VPS13A: variants seen among roughly 807,000 people sequenced by gnomAD.
The protein encoded by VPS13A is vacuolar protein sorting 13 homolog A.
Under a neutral mutation model 390.9 loss-of-function variants are expected in VPS13A, and 264 were observed. The ratio of observed to expected loss-of-function variants is 0.68; its 90% CI spans 0.61 to 0.75. The LOEUF (loss-of-function observed/expected upper bound fraction) is 0.75. Ranked by LOEUF, VPS13A falls within the 30% of genes least tolerant of loss-of-function variation. The pLI, the probability that VPS13A is intolerant of heterozygous loss-of-function variation, is 0.00. For missense variants in VPS13A, 3,409 were observed against 3,733.9 expected (o/e 0.91, Z 2.27); for synonymous variants, 1,231 against 1,227.1 (o/e 1.00, Z -0.07).
intron 53 of VPS13A, among the ~76,000 whole-genome samples, chr9:77,352,379 T>G (rs904070473): frequency 1.3e-5 from 2 of 152,168 alleles, no homozygotes; most frequent in African/African-American, 4.8e-5. Flanking sequence ...TAGGTGGTAT[T>G]TTCTCATTGT....
intron 1 of VPS13A, among the ~76,000 whole-genome samples, chr9:77,188,586 A>G (rs965489312): frequency 6.6e-6 from 1 of 152,190 alleles, no homozygotes; most frequent in African/African-American, 2.4e-5. Context: ...ATACGCATGC[A>G]TGTGTCCTTA....
intron 29 of VPS13A, among the ~76,000 whole-genome samples, chr9:77,282,974 A>G (rs1467341618): frequency 6.6e-6 from 1 of 152,076 alleles, no homozygotes; most frequent in East Asian, 1.9e-4. Flanking sequence ...AAAACAAAAA[A>G]GAGTATCAGA....
chr9:77,337,700 A>G (rs1830609549), intron 47 of VPS13A, 163 bp downstream of exon 47: 6 of 688,588 alleles, frequency 8.7e-6, no homozygotes, highest in Non-Finnish European at 1.4e-5. Context: ...GAGAATTATT[A>G]TTGAAATAAC....
At chr9:77,182,657 AG>A (rs956022327) in intron 1 of VPS13A, among the ~76,000 whole-genome samples, 11 of 152,208 alleles carry the variant, frequency 7.2e-5, no homozygotes, top group African/African-American at 2.4e-4. Context: ...TTTGTAACAC[AG>A]GAAGTACCTG....
At position 77,283,541 on chromosome 9, in the gene VPS13A, C is replaced by T. The variant is rs757939313; in HGVS notation, c.3236-6C>T. 1 of 1,612,874 alleles carries T rather than the reference C, an allele frequency of 6.2e-7. No homozygotes were observed. Among genetic ancestry groups the T allele is most frequent in the Non-Finnish European group, 8.5e-7 (1 of 1,179,266 alleles). On this transcript the variant is annotated splice_region_variant and splice_polypyrimidine_tract_variant and intron_variant, in intron 30 of 71. Coordinates refer to ENST00000360280, the MANE Select transcript of VPS13A (RefSeq NM_033305.3). ...AGAAAAGGCAGTCATTCTTTTGTTC[C>T]CTTAGGGCTTGATTCTGAGATGATT...
At chr9:77,210,005 G>C (rs1825877603) in intron 6 of VPS13A, among the ~76,000 whole-genome samples, 1 of 151,880 alleles carries the variant, frequency 6.6e-6, no homozygotes, top group Non-Finnish European at 1.5e-5. Flanking sequence ...TAATATTCCT[G>C]TGTAACACGA....
intron 13 of VPS13A, among the ~76,000 whole-genome samples, chr9:77,221,664 C>T (rs1402729020): frequency 6.6e-6 from 1 of 152,126 alleles, no homozygotes; most frequent in Non-Finnish European, 1.5e-5. Flanking sequence ...ATTCCAACTT[C>T]TCTGTGTTGG....
intron 68 of VPS13A, chr9:77,383,117 G>A: frequency 2.5e-6 from 2 of 813,756 alleles, no homozygotes; most frequent in Non-Finnish European, 3.0e-6. Flanking sequence ...GATATTTAAT[G>A]TGATCAGAGT....
chr9:77,377,788 T>C (rs1035885402), intron 67 of VPS13A, among the ~76,000 whole-genome samples: 4 of 152,206 alleles, frequency 2.6e-5, no homozygotes, highest in Non-Finnish European at 5.9e-5. Flanking sequence ...TAGACATGCC[T>C]ATATTGCTTT....
intron 52 of VPS13A, among the ~76,000 whole-genome samples, chr9:77,348,684 A>T (rs1386435676): frequency 6.6e-6 from 1 of 151,602 alleles, no homozygotes; most frequent in Non-Finnish European, 1.5e-5. Flanking sequence ...TAATCTATGT[A>T]CCCCAGTTTT....
intron 71 of VPS13A, among the ~76,000 whole-genome samples, chr9:77,411,035 G>T (rs1336207691): frequency 5.3e-5 from 8 of 152,204 alleles, no homozygotes; most frequent in Non-Finnish European, 8.8e-5. Flanking sequence ...CACTTAGTTG[G>T]AAGTAAAGCA....
intron 22 of VPS13A, among the ~76,000 whole-genome samples, chr9:77,255,513 T>A (rs1486320334): frequency 6.6e-6 from 1 of 152,194 alleles, no homozygotes; most frequent in Non-Finnish European, 1.5e-5. Flanking sequence ...CAGATTTCTT[T>A]TCTTCTAGTA....
At chr9:77,331,470 A>G (rs1248754608) in intron 45 of VPS13A, among the ~76,000 whole-genome samples, 5 of 152,000 alleles carry the variant, frequency 3.3e-5, no homozygotes, top group Non-Finnish European at 1.5e-5. Flanking sequence ...AGGAATGTCA[A>G]GTATCTTTTC....
chr9:77,392,729 A>T (rs950582358), intron 68 of VPS13A, among the ~76,000 whole-genome samples: 3 of 149,476 alleles, frequency 2.0e-5, no homozygotes, highest in African/African-American at 7.4e-5. Context: ...TATACACTAT[A>T]TAAAACTATA....
At position 77,399,118 on chromosome 9, in the gene VPS13A, GTAAC is replaced by G. The variant is rs376725424; in HGVS notation, c.9190-4113_9190-4110del. 7.8e-3 allele frequency among the ~76,000 whole-genome samples: 1,010 copies of G among 129,060 alleles called. 11 individuals are homozygous for G. Among genetic ancestry groups the G allele is most frequent in the East Asian group, 0.026 (100 of 3,824 alleles). 84.7% of individuals were successfully genotyped at this position (129,060 alleles called of 152,430 possible). ...ACCAGCATGGCACATGTATACATAT[GTAAC>G]TAACCTGCACAATGTGCACATGTAC... On this transcript the variant is annotated intron_variant, in intron 68 of 71. Transcript: ENST00000360280.
intron 58 of VPS13A, 65 bp downstream of exon 58, chr9:77,359,467 G>A (rs574830036): frequency 1.5e-6 from 2 of 1,354,092 alleles, no homozygotes; most frequent in African/African-American, 1.5e-5. Context: ...TGAATTGTTT[G>A]TACTCTTTAA....
intron 37 of VPS13A, 100 bp downstream of exon 37, chr9:77,314,764 C>T: frequency 2.6e-6 from 3 of 1,173,298 alleles, no homozygotes; most frequent in South Asian, 2.5e-5. Flanking sequence ...CTGAGTGCAT[C>T]CTAGGTTCTT....
intron 67 of VPS13A, among the ~76,000 whole-genome samples, chr9:77,374,510 G>A (rs980465548): frequency 2.0e-5 from 3 of 152,076 alleles, no homozygotes; most frequent in African/African-American, 7.2e-5. Context: ...AAGCAGGGTG[G>A]CAAGAAATTT....
intron 35 of VPS13A, among the ~76,000 whole-genome samples, chr9:77,312,132 TGAAAA>T (rs1213621084): frequency 3.3e-5 from 5 of 151,646 alleles, no homozygotes; most frequent in Non-Finnish European, 5.9e-5. Context: ...CCAAAGTAAA[TGAAAA>T]GAAGACAGTA....
Sources: gnomAD v4.1 joint callset for allele counts (sites outside exome capture counted in the v4.1 genomes callset) on GRCh38, gnomAD v4.1.1 for gene constraint, MANE v1.5 for transcripts, NCBI Gene and HGNC (gene_info 2026-07-23, HGNC 2026-07-21) for gene names.